Variants in INTU observed in about 807,000 individuals in gnomAD.
INTU encodes inturned planar cell polarity protein.
In INTU, 68 loss-of-function variants were observed where a neutral mutation model predicts 100.5. That is an observed-to-expected ratio of 0.68 (90% CI 0.56 to 0.83). The LOEUF is 0.83. Ranked by LOEUF, INTU falls within the 40% of genes least tolerant of loss-of-function variation. INTU has a pLI of 0.00. For missense variants in INTU, 1,071 were observed against 1,114.7 expected, an observed-to-expected ratio of 0.96 and a Z score of 0.56; for synonymous variants, 357 against 395.7, an observed-to-expected ratio of 0.90 and a Z score of 1.16.
At chr4:127,697,308 A>G (rs1730436280) in intron 8 of INTU, among the ~76,000 whole-genome samples, 1 of 151,688 alleles carries the variant, frequency 6.6e-6, no homozygotes, top group Non-Finnish European at 1.5e-5. Flanking sequence ...TCCTCTCCCA[A>G]TTTCTTCTTC....
chr4:127,674,941 G>C (rs1299997150), intron 6 of INTU, among the ~76,000 whole-genome samples: 9 of 152,200 alleles, frequency 5.9e-5, no homozygotes, highest in African/African-American at 2.2e-4. Context: ...CAAGAGGCAG[G>C]ATTGGAAATT....
At chr4:127,712,517 C>T (rs1216494067) in intron 14 of INTU, among the ~76,000 whole-genome samples, 1 of 152,142 alleles carries the variant, frequency 6.6e-6, no homozygotes, top group Non-Finnish European at 1.5e-5. Flanking sequence ...TGGGATACAA[C>T]AGTGGACAAA....
chr4:127,685,794 AGTCCATTGGAGTT>A (rs1229758459), intron 7 of INTU: 1 of 172,308 alleles, frequency 5.8e-6, no homozygotes, highest in Admixed American at 6.2e-5. Flanking sequence ...ACATATAAAT[AGTCCATTGGAGTT>A]GTCCTACAAA....
intron 9 of INTU, among the ~76,000 whole-genome samples, chr4:127,702,192 T>TAA (rs979186647): frequency 6.8e-6 from 1 of 146,420 alleles, no homozygotes; most frequent in Non-Finnish European, 1.5e-5. Flanking sequence ...TTAGATACAG[T>TAA]AAAAAAAAAA....
chr4:127,674,316 G>A, intron 6 of INTU, 103 bp downstream of exon 6: 1 of 858,390 alleles, frequency 1.2e-6, no homozygotes, highest in Non-Finnish European at 1.8e-6. Context: ...TCCTTGAACA[G>A]TTTTACAGTT....
intron 6 of INTU, among the ~76,000 whole-genome samples, chr4:127,681,070 G>T (rs571475560): frequency 2.0e-5 from 3 of 152,016 alleles, no homozygotes; most frequent in African/African-American, 7.2e-5. Context: ...TCTTCAAGGA[G>T]AACTACAAAC....
chr4:127,710,804 A>T (rs985696608), intron 13 of INTU, 109 bp from the exon 14 acceptor site: 6 of 566,278 alleles, frequency 1.1e-5, no homozygotes, highest in African/African-American at 9.4e-5. Flanking sequence ...TACTAATATT[A>T]TATTGTAGAT....
intron 2 of INTU, among the ~76,000 whole-genome samples, chr4:127,650,468 G>T (rs919121345): frequency 4.7e-5 from 7 of 149,780 alleles, no homozygotes; most frequent in African/African-American, 1.5e-4. Flanking sequence ...GTGAGAATAT[G>T]CAGTGTTTGG....
Position 127,706,854 on chromosome 4 carries a change from G to A in INTU, c.2156G>A (p.Gly719Asp). ...TGTAGTAGTGGAGGATCTGACAATGGTTGTGAAGGTGGAGAAGATGATGGC... is the reference window on the plus strand; with the variant it reads ...TGTAGTAGTGGAGGATCTGACAATGATTGTGAAGGTGGAGAAGATGATGGC... Reference protein sequence around the residue: ...PSCSSGGSDNGCEGGEDDGFS... With the variant: ...PSCSSGGSDNDCEGGEDDGFS... Residue 719 changes from glycine to aspartate, a missense_variant, in exon 12 of 16, where the codon GGT becomes GAT. By Grantham distance (94) the Gly-to-Asp change is moderately conservative. Coordinates refer to ENST00000335251, the MANE Select transcript of INTU (RefSeq NM_015693.4). 1 of 1,614,078 alleles carries A rather than the reference G, an allele frequency of 6.2e-7. No homozygotes were observed. The highest frequency in any genetic ancestry group is 8.5e-7 in the Non-Finnish European group (1 of 1,179,978).
At chr4:127,638,845 CA>C (rs776606377) in intron 1 of INTU, among the ~76,000 whole-genome samples, 15 of 152,144 alleles carry the variant, frequency 9.9e-5, no homozygotes, top group Non-Finnish European at 1.6e-4. Flanking sequence ...AATTGAAAAA[CA>C]TTTACACAAT....
In INTU at chr4:127,644,032, A is replaced by C; in HGVS notation, c.658A>C (p.Met220Leu). The stretch of plus-strand genomic sequence containing the variant: ...TGGCCTGCTGCCAGGGGGATCTGCT[A>C]TGAAGAGCGGTCAGGTACTCATTGG... ...VHGLLPGGSA[M>L]KSGQVLIGDV... The change falls in exon 2 of 16, where the codon ATG becomes CTG. Residue 220 changes from methionine to leucine, a missense_variant. Met to Leu is a conservative substitution (Grantham distance 15). Transcript: ENST00000335251. The C allele has an allele frequency of 6.2e-7, 1 of 1,613,984 alleles. No individual in the cohort carries two copies. Among genetic ancestry groups the C allele is most frequent in the Non-Finnish European group, 8.5e-7 (1 of 1,179,878 alleles).
rs1212315393 is a variant in INTU, at chr4:127,643,987, GGAGA to G, written c.617_620del (p.Glu206GlyfsTer14). ...GAGAAGAACCGGAAAGCAGGGTGATGGAGAGAGGCTTGTGGTTCATGGCCTGCTG... is the reference window on the plus strand; with the variant it reads ...GAGAAGAACCGGAAAGCAGGGTGATGGAGGCTTGTGGTTCATGGCCTGCTG... On this transcript the variant is annotated frameshift_variant, in exon 2 of 16. Transcript: ENST00000335251. LOFTEE classifies it high-confidence loss of function. 1 of 1,614,190 alleles carries G rather than the reference GGAGA, an allele frequency of 6.2e-7. No homozygotes were observed. Among genetic ancestry groups the G allele is most frequent in the East Asian group, 2.2e-5 (1 of 44,884 alleles).
chr4:127,645,322 C>A (rs1046030895), intron 2 of INTU, among the ~76,000 whole-genome samples: 1 of 151,948 alleles, frequency 6.6e-6, no homozygotes, highest in Non-Finnish European at 1.5e-5. Flanking sequence ...CCCTTAGAAC[C>A]CAGTCACCAT....
chr4:127,633,594 A>G (rs763388828), intron 1 of INTU, among the ~76,000 whole-genome samples: 3 of 152,114 alleles, frequency 2.0e-5, no homozygotes, highest in Admixed American at 6.6e-5. Flanking sequence ...TACGCGTTTT[A>G]TAAGGCAGTT....
At chr4:127,663,153 T>C (rs1367317511) in intron 3 of INTU, among the ~76,000 whole-genome samples, 1 of 152,160 alleles carries the variant, frequency 6.6e-6, no homozygotes, top group African/African-American at 2.4e-5. Context: ...ACATTATAAT[T>C]CTTATTCAAT....
Position 127,701,906 on chromosome 4 carries a change from A to T in INTU, c.1503+1843A>T, listed in dbSNP as rs547486460. ...GTAACTGAGTCTTAACAAACACCCT[A>T]AACAAATGGAAGGGTGTTTTGTCTG... is the stretch of plus-strand genomic sequence containing the variant. On this transcript the variant is annotated intron_variant, in intron 9 of 15. Transcript: ENST00000335251. Among the ~76,000 whole-genome samples the T allele has an allele frequency of 7.9e-5, 12 of 152,294 alleles. No homozygotes were observed. The East Asian group carries it at 2.1e-3, about 27-fold the overall frequency.
chr4:127,667,834 A>G (rs981687651), intron 4 of INTU, among the ~76,000 whole-genome samples: 3 of 152,096 alleles, frequency 2.0e-5, no homozygotes, highest in Admixed American at 6.6e-5. Flanking sequence ...ATTTGCATAT[A>G]TTGAATGTGC....
chr4:127,688,063 C>T (rs902255280), intron 8 of INTU, among the ~76,000 whole-genome samples, 196 bp downstream of exon 8: 17 of 152,246 alleles, frequency 1.1e-4, no homozygotes, highest in African/African-American at 3.6e-4. Flanking sequence ...GAAATTAGCT[C>T]TCTCCTCTTA....
Position 127,716,524 on chromosome 4 carries a change from T to C in INTU, c.*88T>C. 3.8e-6 allele frequency: 2 copies of C among 524,550 alleles called. No homozygotes were observed. Among genetic ancestry groups the C allele is most frequent in the Non-Finnish European group, 6.6e-6 (2 of 303,958 alleles). 32.5% of individuals were successfully genotyped at this position (524,550 alleles called of 1,614,324 possible). ...AATCAATACACAAAGAGATAAAGTT[T>C]AGCTTCTTTTTACTATTCAATATTG... On this transcript the variant is annotated 3_prime_UTR_variant, in exon 16 of 16. Transcript: ENST00000335251.
Sources: allele counts gnomAD v4.1 joint callset (sites outside exome capture counted in the v4.1 genomes callset), GRCh38; gene constraint gnomAD v4.1.1; transcripts MANE v1.5; gene names NCBI Gene and HGNC (gene_info 2026-07-23, HGNC 2026-07-21).